DCC: variants seen among roughly 807,000 people sequenced by gnomAD.
The protein encoded by DCC is DCC netrin 1 receptor, also known as netrin receptor DCC.
In DCC, 58 loss-of-function variants were observed where a neutral mutation model predicts 172.5. The observed-to-expected ratio is 0.34, with a 90% CI of 0.27 to 0.42. DCC has a LOEUF of 0.42. Ranked by LOEUF, DCC falls within the 10% of genes least tolerant of loss-of-function variation. DCC has a pLI of 1.00. For synonymous variants in DCC, 709 were observed against 644.5 expected (o/e 1.10, Z -1.52); for missense variants, 1,740 against 1,791.0 (o/e 0.97, Z 0.51).
chr18:52,989,002 T>TC (rs1404469636), intron 5 of DCC, among the ~76,000 whole-genome samples: 5 of 151,392 alleles, frequency 3.3e-5, no homozygotes, highest in African/African-American at 1.2e-4. Flanking sequence ...GATTTTTTTT[T>TC]CAAAAGATAC....
chr18:52,661,554 C>T (rs1211437592), intron 1 of DCC, among the ~76,000 whole-genome samples: 1 of 152,236 alleles, frequency 6.6e-6, no homozygotes, highest in African/African-American at 2.4e-5. Context: ...GATGCCTCCA[C>T]AGGAGATGGG....
Position 52,340,977 on chromosome 18 carries a change from C to T in DCC, c.91+99C>T, listed in dbSNP as rs1465829928. 6.1e-6 allele frequency: 6 copies of T among 988,664 alleles called. 1 individual carries two copies. Among genetic ancestry groups the T allele is most frequent in the East Asian group, 2.4e-5 (1 of 41,684 alleles). 61.2% of individuals were successfully genotyped at this position (988,664 alleles called of 1,614,324 possible). ...GTAGTAGAATTGGGGTGGGGGATAG[C>T]AAGAGATTTGGCGCTTGCGCTGCCC... On this transcript the variant is annotated intron_variant, in intron 1 of 28. Coordinates refer to ENST00000442544, the MANE Select transcript of DCC (RefSeq NM_005215.4).
At chr18:53,084,287 A>G (rs2042848604) in intron 7 of DCC, among the ~76,000 whole-genome samples, 1 of 152,108 alleles carries the variant, frequency 6.6e-6, no homozygotes, top group Admixed American at 6.5e-5. Context: ...CCATTAACCT[A>G]TTATTCCATT....
At chr18:53,339,650 T>G in intron 14 of DCC, 63 bp from the exon 15 acceptor site, 1 of 1,217,072 alleles carries the variant, frequency 8.2e-7, no homozygotes, top group Non-Finnish European at 1.2e-6. Context: ...GCTTAAATGG[T>G]GTTCTGCCGT....
At chr18:53,477,803 C>A (rs1167649993) in intron 25 of DCC, among the ~76,000 whole-genome samples, 1 of 152,168 alleles carries the variant, frequency 6.6e-6, no homozygotes, top group African/African-American at 2.4e-5. Context: ...CCCAAGCATT[C>A]TTCACAGTAA....
At chr18:52,623,510 A>G (rs1568261068) in intron 1 of DCC, among the ~76,000 whole-genome samples, 2 of 152,094 alleles carry the variant, frequency 1.3e-5, no homozygotes, top group African/African-American at 2.4e-5. Context: ...ATAATTGTCT[A>G]TTTATTGCTT....
At chr18:53,388,459 C>T (rs1568099838) in intron 16 of DCC, among the ~76,000 whole-genome samples, 1 of 152,216 alleles carries the variant, frequency 6.6e-6, no homozygotes, top group Non-Finnish European at 1.5e-5. Context: ...AATAAAACCT[C>T]AAGTCAGAAT....
intron 5 of DCC, among the ~76,000 whole-genome samples, chr18:52,945,235 A>G (rs995649219): frequency 6.6e-6 from 1 of 152,206 alleles, no homozygotes; most frequent in African/African-American, 2.4e-5. Context: ...AACAAGAAAA[A>G]ATACCTTTCT....
intron 12 of DCC, among the ~76,000 whole-genome samples, chr18:53,279,283 G>A (rs375260109): frequency 1.8e-3 from 281 of 152,076 alleles, no homozygotes; most frequent in African/African-American, 6.5e-3. Flanking sequence ...TTAAGAAAAT[G>A]TGGCACATAT....
intron 10 of DCC, among the ~76,000 whole-genome samples, chr18:53,206,409 T>A (rs1412241604): frequency 2.1e-5 from 1 of 48,228 alleles, no homozygotes; most frequent in Admixed American, 3.0e-4. Flanking sequence ...ATATATGTAT[T>A]GTAACACATA....
intron 1 of DCC, among the ~76,000 whole-genome samples, chr18:52,427,358 T>A (rs982287595): frequency 4.6e-5 from 7 of 152,020 alleles, no homozygotes; most frequent in Admixed American, 1.3e-4. Flanking sequence ...ATGATCACTT[T>A]TTGAGAATTT....
At chr18:53,248,532 T>C (rs2056391993) in intron 12 of DCC, among the ~76,000 whole-genome samples, 1 of 152,016 alleles carries the variant, frequency 6.6e-6, no homozygotes, top group African/African-American at 2.4e-5. Context: ...GAAGGCCAGA[T>C]TGAGGACAAT....
intron 28 of DCC, among the ~76,000 whole-genome samples, chr18:53,528,167 A>G (rs905579360): frequency 6.6e-6 from 1 of 152,174 alleles, no homozygotes; most frequent in African/African-American, 2.4e-5. Context: ...TGTTAAAAAC[A>G]AAGAATCATT....
chr18:52,812,602 C>T (rs2038222771), intron 2 of DCC, among the ~76,000 whole-genome samples: 1 of 152,116 alleles, frequency 6.6e-6, no homozygotes, highest in African/African-American at 2.4e-5. Context: ...GTTAGATAGC[C>T]AAAACCTGGG....
At chr18:52,715,892 GCTAT>G (rs759269612) in intron 1 of DCC, among the ~76,000 whole-genome samples, 5 of 152,052 alleles carry the variant, frequency 3.3e-5, no homozygotes, top group Admixed American at 6.6e-5. Context: ...TAGAATTCAG[GCTAT>G]CTGAGTTCTC....
chr18:52,852,864 C>A (rs1455542036), intron 2 of DCC, among the ~76,000 whole-genome samples: 2 of 152,094 alleles, frequency 1.3e-5, no homozygotes, highest in African/African-American at 2.4e-5. Context: ...TATTTAGTAT[C>A]TCATTTGGTC....
At chr18:52,842,790 A>G (rs139614106) in intron 2 of DCC, among the ~76,000 whole-genome samples, 3 of 152,282 alleles carry the variant, frequency 2.0e-5, no homozygotes, top group Non-Finnish European at 2.9e-5. Flanking sequence ...TTGAACAAAA[A>G]TCTCCTTTCA....
chr18:52,655,863 C>G (rs970087310), intron 1 of DCC, among the ~76,000 whole-genome samples: 2 of 151,622 alleles, frequency 1.3e-5, no homozygotes, highest in Non-Finnish European at 2.9e-5. Flanking sequence ...GATGCCAATA[C>G]AGTTAGACTG....
chr18:52,923,734 T>G lies in DCC; in HGVS notation c.725T>G (p.Phe242Cys). 6.2e-7 allele frequency: 1 copy of G among 1,611,264 alleles called. No homozygotes were observed. The highest frequency in any genetic ancestry group is 8.5e-7 in the Non-Finnish European group (1 of 1,177,580). Residue 242 changes from phenylalanine to cysteine, a missense_variant, in exon 4 of 29, where the codon TTT (phenylalanine) becomes TGT (cysteine). Coordinates refer to ENST00000442544, the MANE Select transcript of DCC (RefSeq NM_005215.4). Reference sequence around the variant, plus strand: ...CCAGGACTGCATAGACAGCTGTATTTTCTGCAAAGACCATCCAATGTAGTA... The same window carrying G: ...CCAGGACTGCATAGACAGCTGTATTGTCTGCAAAGACCATCCAATGTAGTA... ...SDPGLHRQLY[F>C]LQRPSNVVAI...
Sources: allele counts gnomAD v4.1 joint callset (sites outside exome capture counted in the v4.1 genomes callset), GRCh38; gene constraint gnomAD v4.1.1; transcripts MANE v1.5; gene names NCBI Gene and HGNC (gene_info 2026-07-23, HGNC 2026-07-21).